Variants in NAB1 observed in about 807,000 individuals in gnomAD.
The protein encoded by NAB1 is NGFI-A binding protein 1.
A neutral mutation model predicts 49.9 loss-of-function variants in NAB1; 25 were observed. That is an observed-to-expected ratio of 0.50 (90% CI 0.37 to 0.70). The LOEUF (loss-of-function observed/expected upper bound fraction) is 0.70, where lower values mean the gene tolerates loss of function less well. NAB1 is among the 30% of genes least tolerant of loss of function. The probability of loss-of-function intolerance (pLI) is 0.00; values close to 1 mark genes in which losing one functional copy is unlikely to be tolerated. For synonymous variants in NAB1, 198 were observed against 215.6 expected (o/e 0.92, Z 0.71); for missense variants, 489 against 575.9 (o/e 0.85, Z 1.54).
intron 3 of NAB1, among the ~76,000 whole-genome samples, chr2:190,658,705 C>T (rs1032706350): frequency 7.2e-5 from 11 of 152,200 alleles, no homozygotes; most frequent in African/African-American, 2.7e-4. Flanking sequence ...TGTCACAGGG[C>T]CATTGTGAGA....
In NAB1 at chr2:190,689,974, C is replaced by T. The variant is rs557011580; in HGVS notation, c.1376-271C>T. ...TATTTTATAAATGAAGACATTAAGG[C>T]TTAGAGAGGTGTATAACTTGCCCAG... On this transcript the variant is annotated intron_variant, in intron 9 of 9. Transcript: ENST00000337386. The surrounding 1 kb of genome is among the most constrained non-coding windows in gnomAD (Gnocchi z 4.3). Among the ~76,000 whole-genome samples, 1 of 16,276 alleles carries T rather than the reference C, an allele frequency of 6.1e-5. No homozygotes were observed. Among genetic ancestry groups the T allele is most frequent in the African/African-American group, 2.0e-4 (1 of 4,964 alleles). 10.7% of individuals were successfully genotyped at this position (16,276 alleles called of 152,430 possible).
rs1695186889 is a variant in NAB1 at position 190,678,667 on chromosome 2, G to C, written c.1006-5071G>C. Among the ~76,000 whole-genome samples the C allele has an allele frequency of 6.6e-6, 1 of 151,116 alleles. No individual in the cohort carries two copies. The highest frequency in any genetic ancestry group is 1.5e-5 in the Non-Finnish European group (1 of 67,888). On this transcript the variant is annotated intron_variant, in intron 6 of 9. Transcript: ENST00000337386. The surrounding 1 kb of genome is among the most constrained non-coding windows in gnomAD (Gnocchi z 4.9). ...GACCTAAAGGAAACATCTGCTAGCAGTTCCAGCAAGGTGGGGGTGGGAGAG... is the reference window on the plus strand; with the variant it reads ...GACCTAAAGGAAACATCTGCTAGCACTTCCAGCAAGGTGGGGGTGGGAGAG...
At position 190,649,898 on chromosome 2, in the gene NAB1, C is replaced by T. The variant is rs1274030283; in HGVS notation, c.-281C>T. On this transcript the variant is annotated 5_prime_UTR_variant, in exon 2 of 10. Coordinates refer to ENST00000337386, the MANE Select transcript of NAB1 (RefSeq NM_005966.4). This position sits in a 1 kb window ranked among gnomAD's most constrained non-coding sequence, Gnocchi z 6.1. Reference sequence around the variant, plus strand: ...CTTACAGAAACTTGGCGCTGAGGTGCAGGGAAGCCAGAAACTCTTTGTGTC... The same window carrying T: ...CTTACAGAAACTTGGCGCTGAGGTGTAGGGAAGCCAGAAACTCTTTGTGTC... 6.6e-6 allele frequency: 1 copy of T among 152,164 alleles called. No homozygotes were observed. The highest frequency in any genetic ancestry group is 1.5e-5 in the Non-Finnish European group (1 of 68,062). 9.4% of individuals were successfully genotyped at this position (152,164 alleles called of 1,614,324 possible).
rs1313261715 is a variant in NAB1 at position 190,669,045 on chromosome 2, A to G, written c.820-1281A>G. On this transcript the variant is annotated intron_variant, in intron 4 of 9. Transcript: ENST00000337386. The surrounding 1 kb of genome is among the most constrained non-coding windows in gnomAD (Gnocchi z 4.3). ...GTCAAATAAGGGTAACTGGAATATG[A>G]GCACTGAGATATCAGAAGAGTCCAT... Among the ~76,000 whole-genome samples, 1 of 152,220 alleles carries G rather than the reference A, an allele frequency of 6.6e-6. No homozygotes were observed. The highest frequency in any genetic ancestry group is 1.5e-5 in the Non-Finnish European group (1 of 68,038).
chr2:190,664,053 G>A (rs933039329), intron 4 of NAB1, among the ~76,000 whole-genome samples: 2 of 152,092 alleles, frequency 1.3e-5, no homozygotes, highest in East Asian at 1.9e-4. Flanking sequence ...GTTTGGAAAC[G>A]ATATCTTAAG....
rs569207759 is a variant in NAB1, at chr2:190,666,882, T to C, written c.820-3444T>C. ...ATTCAGAAAAAGCTAACAGTGCTGCTGCAAGTGACGGGAATATTTTCATAT... is the reference window on the plus strand; with the variant it reads ...ATTCAGAAAAAGCTAACAGTGCTGCCGCAAGTGACGGGAATATTTTCATAT... On this transcript the variant is annotated intron_variant, in intron 4 of 9. Transcript: ENST00000337386. This position sits in a 1 kb window ranked among gnomAD's most constrained non-coding sequence, Gnocchi z 5.6. Among the ~76,000 whole-genome samples, 279 of 152,338 alleles carry C rather than the reference T, an allele frequency of 1.8e-3. 5 individuals are homozygous for C. Among genetic ancestry groups the C allele is most frequent in the Non-Finnish European group, 6.8e-4 (46 of 68,030 alleles).
rs192426010 is a variant in NAB1 at position 190,666,535 on chromosome 2, C to T, written c.820-3791C>T. Among the ~76,000 whole-genome samples, 8 of 151,986 alleles carry T rather than the reference C, an allele frequency of 5.3e-5. No homozygotes were observed. The highest frequency in any genetic ancestry group is 3.9e-4 in the East Asian group (2 of 5,170). ...CAGCCTGGCCAACATGATGAAACCC[C>T]GTCTGTACTAAAAATACAAAAAAAT... On this transcript the variant is annotated intron_variant, in intron 4 of 9. Coordinates refer to ENST00000337386, the MANE Select transcript of NAB1 (RefSeq NM_005966.4). The surrounding 1 kb of genome is among the most constrained non-coding windows in gnomAD (Gnocchi z 5.6).
In NAB1 at chr2:190,670,752, G is replaced by A. The variant is rs750585767; in HGVS notation, c.953+293G>A. On this transcript the variant is annotated intron_variant, in intron 5 of 9. Transcript: ENST00000337386. This position sits in a 1 kb window ranked among gnomAD's most constrained non-coding sequence, Gnocchi z 5.3. ...ACTTTGGTTTTGAGTGTGACGAGGG[G>A]ATTTAGTCAGACAGCATTTATAGAC... Among the ~76,000 whole-genome samples, 15 of 152,114 alleles carry A rather than the reference G, an allele frequency of 9.9e-5. No individual in the cohort carries two copies. Among genetic ancestry groups the A allele is most frequent in the Admixed American group, 6.5e-5 (1 of 15,278 alleles).
At chr2:190,671,930 C>T (rs1243226430) in intron 5 of NAB1, among the ~76,000 whole-genome samples, 2 of 152,010 alleles carry the variant, frequency 1.3e-5, no homozygotes, top group African/African-American at 4.8e-5. Flanking sequence ...CGTGCACCAC[C>T]ATGCCCAGCT....
At chr2:190,658,124 T>G (rs1483386831) in intron 3 of NAB1, among the ~76,000 whole-genome samples, 1 of 152,230 alleles carries the variant, frequency 6.6e-6, no homozygotes, top group East Asian at 1.9e-4. Context: ...AAAAACAGAC[T>G]TCTTTGTCTT....
chr2:190,668,425 A>G (rs901116369), intron 4 of NAB1, among the ~76,000 whole-genome samples: 1 of 152,184 alleles, frequency 6.6e-6, no homozygotes, highest in Non-Finnish European at 1.5e-5. Flanking sequence ...ATGTGTGGGT[A>G]GTAAAAGTGA....
chr2:190,687,446 T>C, intron 9 of NAB1, 129 bp downstream of exon 9: 1 of 577,600 alleles, frequency 1.7e-6, no homozygotes, highest in South Asian at 2.6e-5. Context: ...TTCCTACAGG[T>C]TGAGTATCCC....
intron 6 of NAB1, among the ~76,000 whole-genome samples, chr2:190,673,922 G>A (rs1291106563): frequency 1.3e-5 from 2 of 151,836 alleles, no homozygotes; most frequent in Non-Finnish European, 2.9e-5. Context: ...ATCTGGTCAG[G>A]TGGCTCCTTC....
In NAB1 at chr2:190,659,347, C is replaced by T. The variant is rs1481969779; in HGVS notation, c.171C>T (p.Gly57=). The change falls in exon 4 of 10, where the codon GGC becomes GGT. Residue 57 remains glycine, a synonymous_variant. Coordinates refer to ENST00000337386, the MANE Select transcript of NAB1 (RefSeq NM_005966.4). The surrounding 1 kb of genome is among the most constrained non-coding windows in gnomAD (Gnocchi z 6.2). ...EEFLEIMALV[G]MASKPLHVRR... is the part of the protein sequence containing the mutation. ...TTTTGGAAATCATGGCACTCGTGGG[C>T]ATGGCTAGCAAGCCCCTTCATGTTA... 3 of 1,614,122 alleles carry T rather than the reference C, an allele frequency of 1.9e-6. No homozygotes were observed. Among genetic ancestry groups the T allele is most frequent in the Non-Finnish European group, 2.5e-6 (3 of 1,180,022 alleles).
rs1323264041 is a variant in NAB1, at chr2:190,674,674, C to A, written c.1005+1522C>A. ...ATAATGAATGGCTGCAGATAAGCAT[C>A]TTTGACTTATAAACACTTTATCTGA... On this transcript the variant is annotated intron_variant, in intron 6 of 9. Transcript: ENST00000337386. This position sits in a 1 kb window ranked among gnomAD's most constrained non-coding sequence, Gnocchi z 5.7. 1.3e-5 allele frequency among the ~76,000 whole-genome samples: 2 copies of A among 152,166 alleles called. No individual in the cohort carries two copies. The highest frequency in any genetic ancestry group is 2.4e-5 in the African/African-American group (1 of 41,428).
rs1486141145 is a variant in NAB1 at position 190,654,307 on chromosome 2, C to G, written c.-196-1670C>G. On this transcript the variant is annotated intron_variant, in intron 2 of 9. Transcript: ENST00000337386. This position sits in a 1 kb window ranked among gnomAD's most constrained non-coding sequence, Gnocchi z 5.6. ...GCTTCTTGTCTCTCCTTGCTCTTAACTGACTCTCCATGAAGGACTGTCTTT... is the reference window on the plus strand; with the variant it reads ...GCTTCTTGTCTCTCCTTGCTCTTAAGTGACTCTCCATGAAGGACTGTCTTT... Among the ~76,000 whole-genome samples the G allele has an allele frequency of 6.6e-6, 1 of 152,206 alleles. No individual in the cohort carries two copies. The highest frequency in any genetic ancestry group is 1.5e-5 in the Non-Finnish European group (1 of 68,044).
Position 190,657,692 on chromosome 2 carries a change from G to A in NAB1, c.-19-1466G>A, listed in dbSNP as rs547216890. Among the ~76,000 whole-genome samples the A allele has an allele frequency of 1.7e-4, 26 of 152,300 alleles. No individual in the cohort carries two copies. The highest frequency in any genetic ancestry group is 1.1e-3 in the Admixed American group (17 of 15,300). ...AGAGGTTCCAGGAGATGGGACTTCC[G>A]GTAGTCAGTGCTTAGAGTGGTAGGG... On this transcript the variant is annotated intron_variant, in intron 3 of 9. Coordinates refer to ENST00000337386, the MANE Select transcript of NAB1 (RefSeq NM_005966.4). This position sits in a 1 kb window ranked among gnomAD's most constrained non-coding sequence, Gnocchi z 4.4.
rs1694526921 is a variant in NAB1 at position 190,666,502 on chromosome 2, T to C, written c.820-3824T>C. On this transcript the variant is annotated intron_variant, in intron 4 of 9. Transcript: ENST00000337386. The surrounding 1 kb of genome is among the most constrained non-coding windows in gnomAD (Gnocchi z 5.6). ...TGGGTGGATTGCTTGAGGTCAGGAG[T>C]TCGAGACCAGCCTGGCCAACATGAT... 1.3e-5 allele frequency among the ~76,000 whole-genome samples: 2 copies of C among 151,618 alleles called. No individual in the cohort carries two copies. The highest frequency in any genetic ancestry group is 4.2e-4 in the South Asian group (2 of 4,810).
At chr2:190,665,863 C>G (rs1373118301) in intron 4 of NAB1, among the ~76,000 whole-genome samples, 1 of 152,104 alleles carries the variant, frequency 6.6e-6, no homozygotes, top group Non-Finnish European at 1.5e-5. Flanking sequence ...TTCAGCCTTA[C>G]ATTGGGTGTG....
Sources: allele counts gnomAD v4.1 joint callset (sites outside exome capture counted in the v4.1 genomes callset), GRCh38; gene constraint gnomAD v4.1.1; non-coding constraint Gnocchi (gnomAD v3.1); transcripts MANE v1.5; gene names NCBI Gene and HGNC (gene_info 2026-07-23, HGNC 2026-07-21).